The following PPDPFL variants were observed in gnomAD, a reference collection of about 807,000 sequenced individuals.
The protein encoded by PPDPFL is pancreatic progenitor cell differentiation and proliferation factor-like protein.
In PPDPFL, 12 loss-of-function variants were observed where a neutral mutation model predicts 12.6. The observed-to-expected ratio is 0.95, with a 90% CI of 0.61 to 1.54. The LOEUF (loss-of-function observed/expected upper bound fraction) is 1.54, where lower values mean the gene tolerates loss of function less well. PPDPFL is among the 40% of genes most tolerant of loss of function. PPDPFL has a pLI of 0.00. For missense variants in PPDPFL, 114 were observed against 96.0 expected, an observed-to-expected ratio of 1.19 and a Z score of -0.78; for synonymous variants, 24 against 32.7, an observed-to-expected ratio of 0.73 and a Z score of 0.91.
upstream of PPDPFL, among the ~76,000 whole-genome samples, chr8:49,069,777 A>C (rs777059283): frequency 6.6e-6 from 1 of 152,300 alleles, no homozygotes; most frequent in South Asian, 2.1e-4. Flanking sequence ...TCTGCTAAAA[A>C]TACAAAAATT....
At chr8:49,056,292 T>A (rs1808111000) in intron 1 of PPDPFL, among the ~76,000 whole-genome samples, 1 of 152,158 alleles carries the variant, frequency 6.6e-6, no homozygotes, top group African/African-American at 2.4e-5. Context: ...GTTCTTGTTG[T>A]TTGGAACTTT....
intron 1 of PPDPFL, among the ~76,000 whole-genome samples, chr8:49,057,211 T>A (rs1356122421): frequency 6.6e-6 from 1 of 152,200 alleles, no homozygotes; most frequent in East Asian, 1.9e-4. Flanking sequence ...TTGAAACAGT[T>A]ACAAAGTGTT....
upstream of PPDPFL, among the ~76,000 whole-genome samples, chr8:49,067,728 T>A (rs1008765884): frequency 6.6e-6 from 1 of 152,258 alleles, no homozygotes; most frequent in Non-Finnish European, 1.5e-5. Flanking sequence ...TAATTAGAAC[T>A]TAGTCTTTCT....
intron 1 of PPDPFL, among the ~76,000 whole-genome samples, chr8:49,066,992 G>A (rs1808310739): frequency 6.6e-6 from 1 of 152,124 alleles, no homozygotes; most frequent in Non-Finnish European, 1.5e-5. Flanking sequence ...ATGATTGTAT[G>A]AACTGACCAC....
At chr8:49,055,862 C>T (rs1314676839) in intron 1 of PPDPFL, among the ~76,000 whole-genome samples, 1 of 152,070 alleles carries the variant, frequency 6.6e-6, no homozygotes, top group Admixed American at 6.6e-5. Flanking sequence ...ATACTTTCCT[C>T]CCAATGCTAA....
intron 1 of PPDPFL, among the ~76,000 whole-genome samples, chr8:49,062,048 T>C (rs1301053873): frequency 6.6e-6 from 1 of 152,226 alleles, no homozygotes; most frequent in Non-Finnish European, 1.5e-5. Flanking sequence ...AACCTGCCCA[T>C]TGGACAAATA....
chr8:49,075,369 C>T lies in PPDPFL; in HGVS notation c.*196C>T. ...GAAGACAGAAATGTGTCTGAGATCTCATTTATGAGACAAGATCACAGCAGC... is the reference window on the plus strand; with the variant it reads ...GAAGACAGAAATGTGTCTGAGATCTTATTTATGAGACAAGATCACAGCAGC... On this transcript the variant is annotated 3_prime_UTR_variant, in exon 5 of 5. Coordinates refer to ENST00000522267, the MANE Select transcript of PPDPFL (RefSeq NM_001256597.2). The T allele has an allele frequency of 1.8e-6, 2 of 1,121,034 alleles. No homozygotes were observed. Among genetic ancestry groups the T allele is most frequent in the Non-Finnish European group, 2.7e-6 (2 of 738,384 alleles). The allele number at this position is 1,121,034 out of a possible 1,614,324, so 69.4% of individuals were successfully genotyped here. A position where few individuals can be genotyped will look rare whatever the true frequency, so the allele number is the denominator to read the frequency against.
At chr8:49,066,507 G>A (rs758220733) in intron 1 of PPDPFL, among the ~76,000 whole-genome samples, 13 of 152,144 alleles carry the variant, frequency 8.5e-5, no homozygotes, top group Admixed American at 3.3e-4. Context: ...TCAGGACAGA[G>A]TTTACAATAT....
In PPDPFL at chr8:49,074,488, T is replaced by TAACA. The variant is rs1182448617; in HGVS notation, c.233+156_233+159dup. 21 of 1,539,184 alleles carry TAACA rather than the reference T, an allele frequency of 1.4e-5. No homozygotes were observed. In the Middle Eastern group the frequency reaches 5.0e-4, roughly 37 times the overall value. On this transcript the variant is annotated intron_variant, in intron 4 of 4. Transcript: ENST00000522267. Reference sequence around the variant, plus strand: ...CGCACCTGAGGGATGAGGGTGGCACTAACAGAGCTCCCTCCTTGCAGGTCG... The same window carrying TAACA: ...CGCACCTGAGGGATGAGGGTGGCACTAACAAACAGAGCTCCCTCCTTGCAGGTCG...
chr8:49,058,393 G>A (rs887036330), intron 1 of PPDPFL, among the ~76,000 whole-genome samples: 1 of 152,200 alleles, frequency 6.6e-6, no homozygotes. Context: ...TGGAATATGT[G>A]AGGGATGAAG....
At chr8:49,066,279 A>G (rs1808299010) in intron 1 of PPDPFL, among the ~76,000 whole-genome samples, 1 of 152,236 alleles carries the variant, frequency 6.6e-6, no homozygotes, top group East Asian at 1.9e-4. Context: ...CTCCATATCC[A>G]TGAAGCTAGA....
At chr8:49,061,316 A>G (rs1003250172) in intron 1 of PPDPFL, among the ~76,000 whole-genome samples, 3 of 152,176 alleles carry the variant, frequency 2.0e-5, no homozygotes, top group African/African-American at 4.8e-5. Context: ...ACCCACAGAG[A>G]GAAGACTATG....
At chr8:49,075,103 G>T in intron 4 of PPDPFL, 49 bp from the exon 5 acceptor site, 1 of 1,601,758 alleles carries the variant, frequency 6.2e-7, no homozygotes, top group Non-Finnish European at 8.5e-7. Flanking sequence ...TCTGGACAGT[G>T]TTTCATTTAT....
intron 1 of PPDPFL, among the ~76,000 whole-genome samples, chr8:49,056,713 A>G (rs2129243254): frequency 6.6e-6 from 1 of 152,326 alleles, no homozygotes; most frequent in Non-Finnish European, 1.5e-5. Flanking sequence ...ATAAAAACTA[A>G]TATCTGTAAA....
upstream of PPDPFL, among the ~76,000 whole-genome samples, chr8:49,068,435 A>G (rs1808332362): frequency 6.6e-6 from 1 of 152,130 alleles, no homozygotes; most frequent in African/African-American, 2.4e-5. Context: ...CTTATGAAGA[A>G]ATCTCCTGCT....
At chr8:49,060,536 C>T (rs1327189418) in intron 1 of PPDPFL, among the ~76,000 whole-genome samples, 1 of 152,158 alleles carries the variant, frequency 6.6e-6, no homozygotes. Flanking sequence ...TGGTCTCGAA[C>T]TCCTGACCTC....
intron 1 of PPDPFL, among the ~76,000 whole-genome samples, chr8:49,063,088 T>C (rs1808239144): frequency 6.6e-6 from 1 of 152,210 alleles, no homozygotes; most frequent in Admixed American, 6.5e-5. Flanking sequence ...TTGAAATAGA[T>C]TCTCAGGGGT....
intron 1 of PPDPFL, among the ~76,000 whole-genome samples, chr8:49,065,509 G>A (rs534787660): frequency 4.5e-4 from 69 of 152,334 alleles, no homozygotes; most frequent in African/African-American, 1.5e-3. Flanking sequence ...TTGGTTTTTA[G>A]TGTTTTCATA....
Position 49,072,800 on chromosome 8 carries a change from G to A in PPDPFL, c.-31G>A. 7 of 1,574,882 alleles carry A rather than the reference G, an allele frequency of 4.4e-6. No homozygotes were observed. The highest frequency in any genetic ancestry group is 6.0e-6 in the Non-Finnish European group (7 of 1,161,242). On this transcript the variant is annotated 5_prime_UTR_variant, in exon 2 of 5. Transcript: ENST00000522267. ...TCGCTGTTTCAGATTAATGCTCACAGCTTCTTGGGTGCTTTCTCACGGGTA... is the reference window on the plus strand; with the variant it reads ...TCGCTGTTTCAGATTAATGCTCACAACTTCTTGGGTGCTTTCTCACGGGTA...
Sources: gnomAD v4.1 joint callset for allele counts (sites outside exome capture counted in the v4.1 genomes callset) on GRCh38, gnomAD v4.1.1 for gene constraint, MANE v1.5 for transcripts, NCBI Gene and HGNC (gene_info 2026-07-23, HGNC 2026-07-21) for gene names.